The following SOX6 variants were observed in gnomAD, a reference collection of about 807,000 sequenced individuals.
The protein encoded by SOX6 is SRY-box transcription factor 6.
In SOX6, 11 loss-of-function variants were observed where a neutral mutation model predicts 97.8. The observed-to-expected ratio is 0.11, with a 90% CI of 0.07 to 0.19. SOX6 has a LOEUF of 0.19. Among genes scored for constraint, SOX6 ranks in the 10% least tolerant of loss-of-function variants. The pLI is 1.00. For synonymous variants in SOX6, 360 were observed against 371.4 expected (o/e 0.97, Z 0.35); for missense variants, 810 against 1,039.5 (o/e 0.78, Z 3.04).
intron 9 of SOX6, among the ~76,000 whole-genome samples, chr11:16,067,474 G>A (rs148746900): frequency 0.012 from 1,843 of 152,104 alleles, 36 homozygotes; most frequent in African/African-American, 0.041. Context: ...CATGTAAGAC[G>A]TGCCTTTGCT....
chr11:16,330,412 A>G (rs1856251969), intron 2 of SOX6, among the ~76,000 whole-genome samples: 1 of 152,034 alleles, frequency 6.6e-6, no homozygotes, highest in African/African-American at 2.4e-5. Flanking sequence ...AAAATTAGCC[A>G]GGCATGGTGG....
At chr11:16,005,013 G>T (rs1854506677) in intron 13 of SOX6, among the ~76,000 whole-genome samples, 1 of 152,052 alleles carries the variant, frequency 6.6e-6, no homozygotes, top group Non-Finnish European at 1.5e-5. Context: ...CTAAGCAGTA[G>T]TTCATTTTAG....
chr11:16,483,850 A>C (rs2133126594), intron 4 of SOX6, among the ~76,000 whole-genome samples: 1 of 152,316 alleles, frequency 6.6e-6, no homozygotes, highest in Non-Finnish European at 1.5e-5. Flanking sequence ...CTCAGTTCAA[A>C]GTTAAAGACC....
intron 4 of SOX6, among the ~76,000 whole-genome samples, chr11:16,554,698 C>T (rs1465049716): frequency 6.6e-6 from 1 of 151,974 alleles, no homozygotes; most frequent in Non-Finnish European, 1.5e-5. Flanking sequence ...ATATTAAGTT[C>T]CTTTTGTCCT....
intron 12 of SOX6, among the ~76,000 whole-genome samples, chr11:16,016,733 C>T (rs986035213): frequency 3.3e-5 from 5 of 152,136 alleles, no homozygotes; most frequent in Middle Eastern, 3.4e-3. Context: ...TGAGTAGTAC[C>T]AGGGAAAGCA....
At chr11:16,286,056 C>A (rs1854731284) in intron 3 of SOX6, among the ~76,000 whole-genome samples, 1 of 152,068 alleles carries the variant, frequency 6.6e-6, no homozygotes, top group Admixed American at 6.6e-5. Flanking sequence ...GGAAACTGAG[C>A]TTCTTGAAAT....
chr11:16,674,189 C>CAAAAAAAAAAA lies in SOX6; in HGVS notation n.429+40630_429+40640dup, dbSNP rs61516612. ...TGGGCGACAGAGTGAGACTCCATCT[C>CAAAAAAAAAAA]AAAAAAAAAAAAAAAAAAAATCATT... is the stretch of plus-strand genomic sequence containing the variant. On this transcript the variant is annotated intron_variant and non_coding_transcript_variant, in intron 3 of 5. Transcript: ENST00000524520. 1.6e-4 allele frequency among the ~76,000 whole-genome samples: 12 copies of CAAAAAAAAAAA among 76,284 alleles called. 1 individual carries two copies. Among genetic ancestry groups the CAAAAAAAAAAA allele is most frequent in the Admixed American group, 2.0e-4 (1 of 5,052 alleles). 50.0% of individuals were successfully genotyped at this position (76,284 alleles called of 152,430 possible). A position where few individuals can be genotyped will look rare whatever the true frequency, so the allele number is the denominator to read the frequency against.
chr11:16,268,577 T>A lies in SOX6; in HGVS notation c.446-33906A>T, dbSNP rs1209744133. Among the ~76,000 whole-genome samples the A allele has an allele frequency of 2.6e-5, 4 of 151,304 alleles. No homozygotes were observed. The East Asian group carries it at 7.7e-4, about 29-fold the overall frequency. On this transcript the variant is annotated intron_variant, in intron 3 of 15. Transcript: ENST00000683767. ...GCTTCAAAATATACGTATCACAAAC[T>A]GATATAACTACAAGAAGAAATGACA...
At chr11:16,480,224 T>C (rs1860320107), upstream of SOX6, among the ~76,000 whole-genome samples, 1 of 152,158 alleles carries the variant, frequency 6.6e-6, no homozygotes, top group South Asian at 2.1e-4. Context: ...TTTTACTTTA[T>C]TACCCTTATG....
At chr11:16,455,794 G>A (rs1859799928) in intron 1 of SOX6, among the ~76,000 whole-genome samples, 1 of 151,992 alleles carries the variant, frequency 6.6e-6, no homozygotes, top group Admixed American at 6.6e-5. Context: ...ATAACTTTAA[G>A]TCCTAAGTAC....
rs144056359 is a variant in SOX6 at position 16,208,498 on chromosome 11, C to T, written c.536-21543G>A. On this transcript the variant is annotated intron_variant, in intron 4 of 15. Transcript: ENST00000683767. The stretch of plus-strand genomic sequence containing the variant: ...TACTAGTCTTTGAAATCAGAGTAGA[C>T]TGCTTTTTTAAAAAATAGAACAGCA... Among the ~76,000 whole-genome samples, 322 of 152,268 alleles carry T rather than the reference C, an allele frequency of 2.1e-3. 2 individuals are homozygous for T. Among genetic ancestry groups the T allele is most frequent in the African/African-American group, 7.6e-3 (314 of 41,550 alleles).
intron 4 of SOX6, among the ~76,000 whole-genome samples, chr11:16,488,186 T>G (rs1303474069): frequency 6.6e-6 from 1 of 152,198 alleles, no homozygotes; most frequent in Non-Finnish European, 1.5e-5. Flanking sequence ...ACTTACTGGA[T>G]GTTTACTCTG....
chr11:16,111,715 G>A, intron 7 of SOX6, 88 bp downstream of exon 7: 1 of 1,501,586 alleles, frequency 6.7e-7, no homozygotes, highest in Non-Finnish European at 9.3e-7. Flanking sequence ...ATAGTTCCCT[G>A]GCATGCTCCT....
chr11:16,503,520 GC>G (rs1203733312), intron 4 of SOX6, among the ~76,000 whole-genome samples: 1 of 151,874 alleles, frequency 6.6e-6, no homozygotes, highest in East Asian at 1.9e-4. Flanking sequence ...ACAAAATATA[GC>G]CCAAGTATAT....
rs61190933 is a variant in SOX6, at chr11:16,699,783, T to C, written n.429+15047A>G. Among the ~76,000 whole-genome samples, 544 of 152,318 alleles carry C rather than the reference T, an allele frequency of 3.6e-3. 4 individuals carry two copies. The highest frequency in any genetic ancestry group is 0.012 in the African/African-American group (514 of 41,572). On this transcript the variant is annotated intron_variant and non_coding_transcript_variant, in intron 3 of 5. Coordinates refer to the SOX6 transcript ENST00000524520. ...TTATGAGATCCTGCTTTAACTGCTA[T>C]AATTGCTGTCCTATAATTGCTCTTG...
intron 4 of SOX6, among the ~76,000 whole-genome samples, chr11:16,504,873 C>T (rs1208825570): frequency 6.6e-6 from 1 of 152,170 alleles, no homozygotes; most frequent in African/African-American, 2.4e-5. Flanking sequence ...GCTTCCCCTT[C>T]ACTTTCCACC....
chr11:16,457,636 A>C (rs1295426032), intron 1 of SOX6, among the ~76,000 whole-genome samples: 1 of 152,040 alleles, frequency 6.6e-6, no homozygotes, highest in Non-Finnish European at 1.5e-5. Flanking sequence ...TCCAAGGTCC[A>C]TTTGTTCTTG....
chr11:16,544,061 T>C (rs1847585222), intron 4 of SOX6, among the ~76,000 whole-genome samples: 1 of 151,894 alleles, frequency 6.6e-6, no homozygotes. Context: ...TACTAAAACA[T>C]GCTAAAAAAA....
At chr11:16,257,221 T>C (rs1335148118) in intron 3 of SOX6, among the ~76,000 whole-genome samples, 1 of 151,872 alleles carries the variant, frequency 6.6e-6, no homozygotes, top group African/African-American at 2.4e-5. Context: ...CTAAAGTTTC[T>C]ATGAAGAGGC....
Sources: gnomAD v4.1 joint callset for allele counts (sites outside exome capture counted in the v4.1 genomes callset) on GRCh38, gnomAD v4.1.1 for gene constraint, MANE v1.5 for transcripts, NCBI Gene and HGNC (gene_info 2026-07-23, HGNC 2026-07-21) for gene names.